VSTM5: variants seen among roughly 807,000 people sequenced by gnomAD.
The protein encoded by VSTM5 is V-set and transmembrane domain containing 5.
In VSTM5, 21 loss-of-function variants were observed where a neutral mutation model predicts 20.3. That is an observed-to-expected ratio of 1.03 (90% confidence interval 0.73 to 1.49). VSTM5 has a LOEUF of 1.49. Ranked by LOEUF, VSTM5 falls within the 40% of genes most tolerant of loss-of-function variation. The probability of loss-of-function intolerance (pLI) is 0.00; values close to 1 mark genes in which losing one functional copy is unlikely to be tolerated. For synonymous variants in VSTM5, 100 were observed against 102.5 expected (o/e 0.98, Z 0.14); for missense variants, 219 against 250.0 (o/e 0.88, Z 0.84).
At chr11:93,825,622 T>C (rs1018732574) in intron 1 of VSTM5, among the ~76,000 whole-genome samples, 4 of 152,236 alleles carry the variant, frequency 2.6e-5, no homozygotes, top group Non-Finnish European at 5.9e-5. Context: ...GTGTCTTCAG[T>C]TTCCTTTGTC....
intron 1 of VSTM5, among the ~76,000 whole-genome samples, chr11:93,833,437 G>T (rs146391047): frequency 1.3e-5 from 2 of 152,104 alleles, no homozygotes; most frequent in South Asian, 4.1e-4. Context: ...AAATTAGCTG[G>T]GCATGGTGGC....
chr11:93,830,496 G>A (rs1292807033), intron 1 of VSTM5, among the ~76,000 whole-genome samples: 1 of 152,242 alleles, frequency 6.6e-6, no homozygotes, highest in Non-Finnish European at 1.5e-5. Context: ...ATTCATCTCA[G>A]AACCCCCAGT....
At chr11:93,841,815 A>G (rs1944372545) in intron 1 of VSTM5, among the ~76,000 whole-genome samples, 1 of 152,176 alleles carries the variant, frequency 6.6e-6, no homozygotes, top group African/African-American at 2.4e-5. Flanking sequence ...TGGGACATGC[A>G]GTCATTAACA....
chr11:93,850,456 A>T lies in VSTM5; in HGVS notation c.47T>A (p.Leu16Gln). The T allele has an allele frequency of 1.3e-6, 2 of 1,549,734 alleles. No homozygotes were observed. Among genetic ancestry groups the T allele is most frequent in the Non-Finnish European group, 1.7e-6 (2 of 1,146,418 alleles). The stretch of plus-strand genomic sequence containing the variant: ...GGCCAGGCAGAGGGCGAAGAGTCCT[A>T]GGGAGATGCCTCGGGTCTTCCTCCT... ...SGRRKTRGIS[L>Q]GLFALCLAAA... The change falls in exon 1 of 4, where the codon CTA (leucine) becomes CAA (glutamine). Residue 16 changes from leucine (L) to glutamine (Q), a missense_variant. Coordinates refer to ENST00000409977, the MANE Select transcript of VSTM5 (RefSeq NM_001144871.2).
Position 93,818,715 on chromosome 11 carries a change from C to G in VSTM5, c.*1854G>C, listed in dbSNP as rs772235899. On this transcript the variant is annotated 3_prime_UTR_variant, in exon 4 of 4. Transcript: ENST00000409977. ...CCCAGCAGCTACCCAACTCCCACTG[C>G]TTTCCTGCTGGTGGCCTCTCTGTGT... 1 of 152,198 alleles carries G rather than the reference C, an allele frequency of 6.6e-6. No individual in the cohort carries two copies. Among genetic ancestry groups the G allele is most frequent in the African/African-American group, 2.4e-5 (1 of 41,430 alleles). 9.4% of individuals were successfully genotyped at this position (152,198 alleles called of 1,614,324 possible). A position where few individuals can be genotyped will look rare whatever the true frequency, so the allele number is the denominator to read the frequency against.
intron 1 of VSTM5, among the ~76,000 whole-genome samples, chr11:93,832,380 A>C (rs1944289993): frequency 6.6e-6 from 1 of 152,272 alleles, no homozygotes; most frequent in Non-Finnish European, 1.5e-5. Context: ...ACAGATAGAC[A>C]TACAGTTATC....
At chr11:93,834,965 A>T (rs1944312516) in intron 1 of VSTM5, among the ~76,000 whole-genome samples, 1 of 152,212 alleles carries the variant, frequency 6.6e-6, no homozygotes, top group Middle Eastern at 3.4e-3. Context: ...GTGGGTTATC[A>T]TGAGAATGGG....
chr11:93,847,997 A>T (rs910827504), intron 1 of VSTM5, among the ~76,000 whole-genome samples: 2 of 152,134 alleles, frequency 1.3e-5, no homozygotes, highest in Non-Finnish European at 2.9e-5. Context: ...TAATCCCATT[A>T]TGGGATCCCA....
intron 1 of VSTM5, among the ~76,000 whole-genome samples, chr11:93,840,871 C>T (rs1411361451): frequency 1.3e-5 from 2 of 152,146 alleles, no homozygotes; most frequent in Non-Finnish European, 2.9e-5. Flanking sequence ...AGGGCCCATT[C>T]GTGCTGACTT....
chr11:93,833,800 C>G (rs1944301597), intron 1 of VSTM5, among the ~76,000 whole-genome samples: 1 of 152,098 alleles, frequency 6.6e-6, no homozygotes. Context: ...CAGCATCATC[C>G]TGTGTCCCTC....
intron 1 of VSTM5, among the ~76,000 whole-genome samples, chr11:93,845,408 A>G (rs1266168736): frequency 1.3e-5 from 2 of 152,188 alleles, no homozygotes; most frequent in Non-Finnish European, 2.9e-5. Context: ...AAAGCCTAGC[A>G]TGCTCCCTTG....
At chr11:93,845,917 C>T (rs754534140) in intron 1 of VSTM5, among the ~76,000 whole-genome samples, 8 of 152,242 alleles carry the variant, frequency 5.3e-5, no homozygotes, top group African/African-American at 9.6e-5. Flanking sequence ...TTCTGACTCG[C>T]CAGGCAGGAT....
chr11:93,846,107 C>T (rs374114880), intron 1 of VSTM5, among the ~76,000 whole-genome samples: 3 of 152,250 alleles, frequency 2.0e-5, no homozygotes, highest in East Asian at 1.9e-4. Context: ...CCTCCCACCT[C>T]GGCCTCCCGC....
Position 93,820,604 on chromosome 11 carries a change from T to C in VSTM5, c.568A>G (p.Thr190Ala), listed in dbSNP as rs1381386851. The C allele has an allele frequency of 9.7e-6, 15 of 1,551,734 alleles. No individual in the cohort carries two copies. The highest frequency in any genetic ancestry group is 1.7e-4 in the Middle Eastern group (1 of 6,014). Residue 190 changes from threonine to alanine, a missense_variant, in exon 4 of 4, where the codon ACT (threonine) becomes GCT (alanine). Thr to Ala is a moderately conservative substitution (Grantham distance 58). Coordinates refer to ENST00000409977, the MANE Select transcript of VSTM5 (RefSeq NM_001144871.2). ...ACATCTTCCAGCTCAATCTCCTCAG[T>C]TGTGCTTTCTGTAAAGCAAAGACAA... Reference protein sequence around the residue: ...KRRHKLKESTTEEIELEDVEC With the variant: ...KRRHKLKESTAEEIELEDVEC
Position 93,830,572 on chromosome 11 carries a change from A to G in VSTM5, c.92-9249T>C, listed in dbSNP as rs568999673. On this transcript the variant is annotated intron_variant, in intron 1 of 3. Coordinates refer to ENST00000409977, the MANE Select transcript of VSTM5 (RefSeq NM_001144871.2). ...TACTTGCATGAATGAACAAATGGTGACATGTGTGCCCTGCCTGTCAAACTG... is the reference window on the plus strand; with the variant it reads ...TACTTGCATGAATGAACAAATGGTGGCATGTGTGCCCTGCCTGTCAAACTG... Among the ~76,000 whole-genome samples the G allele has an allele frequency of 2.6e-5, 4 of 152,316 alleles. No individual in the cohort carries two copies. In the South Asian group the frequency reaches 8.3e-4, roughly 32 times the overall value.
At chr11:93,829,480 G>T (rs1369275016) in intron 1 of VSTM5, among the ~76,000 whole-genome samples, 1 of 152,184 alleles carries the variant, frequency 6.6e-6, no homozygotes, top group Non-Finnish European at 1.5e-5. Flanking sequence ...AGTGAGCTGA[G>T]ATAGCACCAC....
At chr11:93,830,482 T>C (rs747976664) in intron 1 of VSTM5, among the ~76,000 whole-genome samples, 12 of 152,326 alleles carry the variant, frequency 7.9e-5, no homozygotes, top group South Asian at 4.1e-4. Context: ...AGAATTGTTG[T>C]CCTATTCATC....
intron 1 of VSTM5, among the ~76,000 whole-genome samples, chr11:93,827,003 T>C (rs1591397688): frequency 6.6e-6 from 1 of 152,300 alleles, no homozygotes; most frequent in East Asian, 1.9e-4. Context: ...TCCTCTTAAT[T>C]AGACAGACTA....
At chr11:93,828,838 T>A (rs2090786329) in intron 1 of VSTM5, among the ~76,000 whole-genome samples, 1 of 152,150 alleles carries the variant, frequency 6.6e-6, no homozygotes, top group African/African-American at 2.4e-5. Flanking sequence ...AGAAAACTGT[T>A]ACAGTAGGGT....
Sources: allele counts gnomAD v4.1 joint callset (sites outside exome capture counted in the v4.1 genomes callset), GRCh38; gene constraint gnomAD v4.1.1; transcripts MANE v1.5; gene names NCBI Gene and HGNC (gene_info 2026-07-23, HGNC 2026-07-21).